MKX: variants seen among roughly 807,000 people sequenced by gnomAD.
MKX encodes the protein homeobox protein Mohawk.
Under a neutral mutation model 36.0 loss-of-function variants are expected in MKX, and 13 were observed. The observed-to-expected ratio is 0.36, with a 90% CI of 0.24 to 0.57. MKX has a LOEUF of 0.57. Among genes scored for constraint, MKX ranks in the 20% least tolerant of loss-of-function variants. The pLI, the probability that MKX is intolerant of heterozygous loss-of-function variation, is 0.79. For synonymous variants in MKX, 176 were observed against 178.3 expected (o/e 0.99, Z 0.10); for missense variants, 458 against 456.4 (o/e 1.00, Z -0.03).
rs1171502178 is a variant in MKX at position 27,741,397 on chromosome 10, G to A, written c.296C>T (p.Thr99Ile). 6.2e-7 allele frequency: 1 copy of A among 1,613,574 alleles called. No individual in the cohort carries two copies. ...GGCCAAGAGTATCTTCTCGGTCTTG[G>A]TGGGGTACGGGTTGTCACGGTGCTT... is the stretch of plus-strand genomic sequence containing the variant. ...LYKHRDNPYP[T>I]KTEKILLALG... Residue 99 changes from threonine (T) to isoleucine (I), a missense_variant, in exon 3 of 7, where the codon ACC becomes ATC. Thr to Ile is a moderately conservative substitution (Grantham distance 89). Transcript: ENST00000419761. The surrounding 1 kb of genome is among the most constrained non-coding windows in gnomAD (Gnocchi z 5.1).
intron 3 of MKX, among the ~76,000 whole-genome samples, chr10:27,739,203 T>C (rs1834841125): frequency 6.6e-6 from 1 of 152,074 alleles, no homozygotes; most frequent in Non-Finnish European, 1.5e-5. Flanking sequence ...ATAAAGCTGT[T>C]TATATTTTGA....
chr10:27,696,521 G>C (rs1422031490), intron 5 of MKX, among the ~76,000 whole-genome samples: 2 of 152,154 alleles, frequency 1.3e-5, no homozygotes, highest in Non-Finnish European at 2.9e-5. Context: ...TTATGTCTAT[G>C]ATTGATGCTT....
intron 5 of MKX, among the ~76,000 whole-genome samples, chr10:27,681,083 A>G (rs932022127): frequency 1.3e-5 from 2 of 152,210 alleles, no homozygotes; most frequent in East Asian, 1.9e-4. Context: ...AAAAATTCCT[A>G]TCACCTAGTG....
chr10:27,732,542 G>T (rs1051625894), intron 5 of MKX, among the ~76,000 whole-genome samples: 1 of 151,552 alleles, frequency 6.6e-6, no homozygotes, highest in Non-Finnish European at 1.5e-5. Flanking sequence ...GTCGATTTTT[G>T]CTTGTTTAAT....
At chr10:27,737,071 C>T (rs888428442) in intron 3 of MKX, among the ~76,000 whole-genome samples, 3 of 152,092 alleles carry the variant, frequency 2.0e-5, no homozygotes, top group Admixed American at 6.5e-5. Flanking sequence ...CTTCTGCACT[C>T]CCAGAAGGAC....
intron 5 of MKX, 35 bp from the exon 6 acceptor site, chr10:27,675,589 G>A: frequency 1.3e-6 from 2 of 1,599,578 alleles, no homozygotes; most frequent in Non-Finnish European, 1.7e-6. Flanking sequence ...TTATTTTTAT[G>A]TTTTTCCTTT....
intron 5 of MKX, 103 bp from the exon 6 acceptor site, chr10:27,675,657 A>G: frequency 1.7e-6 from 2 of 1,180,802 alleles, no homozygotes; most frequent in Non-Finnish European, 1.2e-6. Flanking sequence ...TCTTCAGGAA[A>G]TATGGTTGAA....
chr10:27,675,456 T>G, intron 6 of MKX, 41 bp from the exon 7 acceptor site: 1 of 1,613,992 alleles, frequency 6.2e-7, no homozygotes, highest in Non-Finnish European at 8.5e-7. Flanking sequence ...TCAAACTCAC[T>G]GCAGTTTGCA....
intron 5 of MKX, among the ~76,000 whole-genome samples, chr10:27,728,607 T>C (rs2132628270): frequency 6.6e-6 from 1 of 152,254 alleles, no homozygotes; most frequent in South Asian, 2.1e-4. Context: ...ATGGACTGTG[T>C]CCCAGAAGCT....
intron 5 of MKX, among the ~76,000 whole-genome samples, chr10:27,699,235 CACTT>C (rs1836609650): frequency 6.6e-6 from 1 of 152,178 alleles, no homozygotes; most frequent in South Asian, 2.1e-4. Context: ...CCAAAGTTCT[CACTT>C]AAAGTCCCAC....
intron 5 of MKX, among the ~76,000 whole-genome samples, chr10:27,709,387 G>GC (rs1279853160): frequency 1.3e-5 from 2 of 152,152 alleles, no homozygotes; most frequent in African/African-American, 2.4e-5. Flanking sequence ...AGAGACTTGA[G>GC]CATCTGTGGA....
At chr10:27,734,364 C>A in intron 5 of MKX, 92 bp downstream of exon 5, 1 of 1,190,994 alleles carries the variant, frequency 8.4e-7, no homozygotes, top group South Asian at 1.4e-5. Flanking sequence ...AATCTGATGT[C>A]TTTATACCTG....
intron 5 of MKX, among the ~76,000 whole-genome samples, chr10:27,698,689 T>C (rs1836599127): frequency 6.6e-6 from 1 of 152,192 alleles, no homozygotes; most frequent in South Asian, 2.1e-4. Context: ...TTCAGGACCT[T>C]CCTGTGTAGC....
intron 5 of MKX, among the ~76,000 whole-genome samples, chr10:27,682,555 G>A (rs577987887): frequency 5.3e-5 from 8 of 152,190 alleles, no homozygotes; most frequent in Admixed American, 2.6e-4. Flanking sequence ...TTTTACTAGC[G>A]GTCCTCAACC....
intron 5 of MKX, among the ~76,000 whole-genome samples, chr10:27,697,842 G>A (rs1334289589): frequency 6.6e-6 from 1 of 152,162 alleles, no homozygotes; most frequent in Non-Finnish European, 1.5e-5. Flanking sequence ...GCAATGGCAG[G>A]GATAAGGAGG....
At chr10:27,702,459 C>T (rs1836675000) in intron 5 of MKX, among the ~76,000 whole-genome samples, 2 of 152,120 alleles carry the variant, frequency 1.3e-5, no homozygotes, top group Non-Finnish European at 2.9e-5. Flanking sequence ...AGCAAATTTG[C>T]AAATTTTATC....
intron 5 of MKX, among the ~76,000 whole-genome samples, chr10:27,698,164 G>C (rs2451918): frequency 0.33 from 50,140 of 152,078 alleles, 10,162 homozygotes; most frequent in Non-Finnish European, 0.45. Context: ...GAAATAAATG[G>C]AGAATATGAA....
Position 27,743,942 on chromosome 10 carries a change from GTTGGATGGAAGGGAAGAT to G in MKX, c.-82-463_-82-446del, listed in dbSNP as rs533225842. Reference sequence around the variant, plus strand: ...ACCCCAACTCGGGGCGTCAGGAGGGGTTGGATGGAAGGGAAGATTTGGGGTAATGTGCCAACCGTATCC... The same window carrying G: ...ACCCCAACTCGGGGCGTCAGGAGGGGTTGGGGTAATGTGCCAACCGTATCC... On this transcript the variant is annotated intron_variant, in intron 1 of 6. Coordinates refer to ENST00000419761, the MANE Select transcript of MKX (RefSeq NM_173576.3). Among the ~76,000 whole-genome samples the G allele has an allele frequency of 8.7e-3, 1,331 of 152,212 alleles. 12 individuals carry two copies. Among genetic ancestry groups the G allele is most frequent in the Middle Eastern group, 0.027 (8 of 294 alleles).
intron 3 of MKX, among the ~76,000 whole-genome samples, chr10:27,739,368 T>C (rs191587660): frequency 6.6e-4 from 100 of 152,248 alleles, no homozygotes; most frequent in Middle Eastern, 3.4e-3. Flanking sequence ...GAAATCATTA[T>C]ACAGTTGTCA....
Sources: gnomAD v4.1 joint callset for allele counts (sites outside exome capture counted in the v4.1 genomes callset) on GRCh38, gnomAD v4.1.1 for gene constraint, Gnocchi (gnomAD v3.1) non-coding constraint, MANE v1.5 for transcripts, NCBI Gene and HGNC (gene_info 2026-07-23, HGNC 2026-07-21) for gene names.